The following DSG2 variants were observed in gnomAD, a reference collection of about 807,000 sequenced individuals.
DSG2 encodes desmoglein 2.
A neutral mutation model predicts 75.6 loss-of-function variants in DSG2; 45 were observed. The ratio of observed to expected loss-of-function variants is 0.60; its 90% CI spans 0.47 to 0.76. DSG2 has a LOEUF of 0.76. DSG2 is among the 30% of genes least tolerant of loss of function. The pLI is 0.00. For missense variants in DSG2, 1,267 were observed against 1,357.4 expected (o/e 0.93, Z 1.05); for synonymous variants, 429 against 483.9 (o/e 0.89, Z 1.49).
chr18:31,540,986 G>A (rs1363016068), intron 12 of DSG2, among the ~76,000 whole-genome samples: 2 of 152,134 alleles, frequency 1.3e-5, no homozygotes, highest in African/African-American at 4.8e-5. Flanking sequence ...GAATCTGTAA[G>A]ACTCCCTCAT....
rs184586416 is a variant in DSG2 at position 31,530,542 on chromosome 18, T to C, written c.1015-445T>C. ...AAGCAATCCTCCCACCTCAGCCTCC[T>C]GAGTAGCTAGGACCACAGGCACGAG... On this transcript the variant is annotated intron_variant, in intron 8 of 14. Transcript: ENST00000261590. 6.6e-5 allele frequency among the ~76,000 whole-genome samples: 10 copies of C among 152,194 alleles called. No individual in the cohort carries two copies. In the East Asian group the frequency reaches 1.4e-3, roughly 21 times the overall value.
intron 6 of DSG2, among the ~76,000 whole-genome samples, chr18:31,524,145 C>T (rs2073146455): frequency 6.6e-6 from 1 of 152,338 alleles, no homozygotes; most frequent in East Asian, 1.9e-4. Context: ...TACAGTTCCA[C>T]CTCACTTTCA....
At chr18:31,525,353 GA>G (rs1303944124) in intron 8 of DSG2, among the ~76,000 whole-genome samples, 2 of 150,798 alleles carry the variant, frequency 1.3e-5, no homozygotes, top group African/African-American at 2.4e-5. Flanking sequence ...CCGCTTCTAC[GA>G]AAAAAAATAC....
chr18:31,524,702 G>C lies in DSG2; in HGVS notation c.829-1G>C. ...AAAAATCATGTGTTCATGTTTTGCA[G>C]CTTGAAGGGATGGTTGAAGAAAATC... is the stretch of plus-strand genomic sequence containing the variant. On this transcript the variant is annotated splice_acceptor_variant, in intron 7 of 14. Transcript: ENST00000261590. LOFTEE classifies it high-confidence loss of function. 1 of 1,613,958 alleles carries C rather than the reference G, an allele frequency of 6.2e-7. No homozygotes were observed. Among genetic ancestry groups the C allele is most frequent in the South Asian group, 1.1e-5 (1 of 91,076 alleles).
rs201845396 is a variant in DSG2, at chr18:31,545,856, C to G, written c.2470C>G (p.Arg824Gly). Residue 824 changes from arginine to glycine, a missense_variant, in exon 15 of 15, where the codon CGC becomes GGC. Transcript: ENST00000261590. ...TTTTATTGAAGGAGAGCTAGATGAC[C>G]GCTTCTTAGATGATTTGGGACTTAA... ...CSFIEGELDD[R>G]FLDDLGLKFK... 3.1e-6 allele frequency: 5 copies of G among 1,614,118 alleles called. No individual in the cohort carries two copies. Among genetic ancestry groups the G allele is most frequent in the East Asian group, 4.5e-5 (2 of 44,882 alleles).
At chr18:31,505,250 T>G (rs1024824362) in intron 1 of DSG2, among the ~76,000 whole-genome samples, 3 of 152,236 alleles carry the variant, frequency 2.0e-5, no homozygotes, top group Non-Finnish European at 2.9e-5. Context: ...GAGTCCCTCA[T>G]CTGTGCGTTT....
chr18:31,523,053 C>T (rs990697005), intron 6 of DSG2, among the ~76,000 whole-genome samples: 3 of 152,168 alleles, frequency 2.0e-5, no homozygotes, highest in African/African-American at 4.8e-5. Context: ...ATAAAGTACA[C>T]TCTTTGTCAT....
intron 8 of DSG2, among the ~76,000 whole-genome samples, chr18:31,529,782 G>A (rs566838963): frequency 1.1e-4 from 16 of 152,300 alleles, no homozygotes; most frequent in Admixed American, 9.8e-4. Context: ...AATGGTCAGA[G>A]ATACTGGAAA....
intron 1 of DSG2, among the ~76,000 whole-genome samples, chr18:31,509,204 T>A (rs976490671): frequency 1.3e-5 from 2 of 152,180 alleles, no homozygotes; most frequent in African/African-American, 2.4e-5. Flanking sequence ...ATTTTAAAAT[T>A]CTATGAGTTA....
At chr18:31,536,859 T>G (rs1390519694) in intron 11 of DSG2, among the ~76,000 whole-genome samples, 1 of 152,232 alleles carries the variant, frequency 6.6e-6, no homozygotes, top group Non-Finnish European at 1.5e-5. Flanking sequence ...CATTATTCCC[T>G]GATTAAAGCT....
Position 31,547,310 on chromosome 18 carries a change from G to A in DSG2, c.*567G>A, listed in dbSNP as rs2073320306. The A allele has an allele frequency of 5.0e-6, 1 of 199,908 alleles. No individual in the cohort carries two copies. Among genetic ancestry groups the A allele is most frequent in the Non-Finnish European group, 1.0e-5 (1 of 97,536 alleles). 12.4% of individuals were successfully genotyped at this position (199,908 alleles called of 1,614,324 possible). A position where few individuals can be genotyped will look rare whatever the true frequency, so the allele number is the denominator to read the frequency against. On this transcript the variant is annotated 3_prime_UTR_variant, in exon 15 of 15. Transcript: ENST00000261590. Reference sequence around the variant, plus strand: ...CATTAAATTGGACCATTGATGATAAGAATACACATTGTATGTTTCTGTGCA... The same window carrying A: ...CATTAAATTGGACCATTGATGATAAAAATACACATTGTATGTTTCTGTGCA...
In DSG2 at chr18:31,521,089, A is replaced by G; in HGVS notation, c.379-10A>G. 4 of 1,613,864 alleles carry G rather than the reference A, an allele frequency of 2.5e-6. No individual in the cohort carries two copies. The highest frequency in any genetic ancestry group is 2.5e-6 in the Non-Finnish European group (3 of 1,179,918). ...GCTTAAATCTAATCTTATTTATGTC[A>G]TGATTTCAGCTAACAGGTTACGCTT... On this transcript the variant is annotated splice_polypyrimidine_tract_variant and intron_variant, in intron 4 of 14. Coordinates refer to ENST00000261590, the MANE Select transcript of DSG2 (RefSeq NM_001943.5).
chr18:31,525,943 C>G (rs1231414020), intron 8 of DSG2, among the ~76,000 whole-genome samples: 2 of 152,100 alleles, frequency 1.3e-5, no homozygotes, highest in Non-Finnish European at 2.9e-5. Flanking sequence ...GAGTTCGAGA[C>G]CAGCCTGGCC....
In DSG2 at chr18:31,503,996, G is replaced by A. The variant is rs569776821; in HGVS notation, c.45+5700G>A. On this transcript the variant is annotated intron_variant, in intron 1 of 14. Coordinates refer to ENST00000261590, the MANE Select transcript of DSG2 (RefSeq NM_001943.5). ...GAAACAGTGATAGGCAAAGTAAGAGGTTCTAAGTAGGGATTTATTTTACTT... is the reference window on the plus strand; with the variant it reads ...GAAACAGTGATAGGCAAAGTAAGAGATTCTAAGTAGGGATTTATTTTACTT... Among the ~76,000 whole-genome samples the A allele has an allele frequency of 1.1e-4, 17 of 152,280 alleles. No individual in the cohort carries two copies. In the South Asian group the frequency reaches 3.5e-3, roughly 32 times the overall value.
intron 8 of DSG2, among the ~76,000 whole-genome samples, chr18:31,525,558 G>T (rs929586907): frequency 2.0e-5 from 3 of 151,018 alleles, no homozygotes; most frequent in Non-Finnish European, 2.9e-5. Flanking sequence ...GTAAACCCAG[G>T]CCTCACTAAT....
chr18:31,532,567 G>A (rs1445945704), intron 9 of DSG2, among the ~76,000 whole-genome samples: 5 of 152,186 alleles, frequency 3.3e-5, no homozygotes, highest in South Asian at 4.1e-4. Flanking sequence ...TTAGTGAATC[G>A]CCTTTTCATG....
intron 9 of DSG2, among the ~76,000 whole-genome samples, chr18:31,531,542 GA>G (rs1227311401): frequency 1.3e-5 from 2 of 152,130 alleles, no homozygotes; most frequent in African/African-American, 4.8e-5. Context: ...AAAAGTTCAG[GA>G]AAAAACTTTT....
chr18:31,512,466 G>C (rs1454842670), intron 1 of DSG2, among the ~76,000 whole-genome samples: 4 of 152,226 alleles, frequency 2.6e-5, no homozygotes, highest in Non-Finnish European at 5.9e-5. Context: ...ACTACAGTCT[G>C]GTCTCTATAC....
rs959566645 is a variant in DSG2, at chr18:31,519,880, C to T, written c.159C>T (p.Thr53=). The part of the protein sequence containing the change: ...HLVRQKRAWI[T]APVALREGED... Reference sequence around the variant, plus strand: ...TGCGGCAAAAGCGCGCCTGGATCACCGCCCCCGTGGCTCTTCGGGAGGGAG... The same window carrying T: ...TGCGGCAAAAGCGCGCCTGGATCACTGCCCCCGTGGCTCTTCGGGAGGGAG... The change falls in exon 3 of 15, where the codon ACC becomes ACT. Residue 53 remains threonine (T), a synonymous_variant. Coordinates refer to ENST00000261590, the MANE Select transcript of DSG2 (RefSeq NM_001943.5). The T allele has an allele frequency of 5.6e-6, 9 of 1,614,010 alleles. No homozygotes were observed. The highest frequency in any genetic ancestry group is 3.3e-5 in the Admixed American group (2 of 60,004).
Sources: allele counts gnomAD v4.1 joint callset (sites outside exome capture counted in the v4.1 genomes callset), GRCh38; gene constraint gnomAD v4.1.1; transcripts MANE v1.5; gene names NCBI Gene and HGNC (gene_info 2026-07-23, HGNC 2026-07-21).